The following INPP4B variants were observed in gnomAD, a reference collection of about 807,000 sequenced individuals.
INPP4B encodes the protein inositol polyphosphate-4-phosphatase type II B.
INPP4B carries 55 observed loss-of-function variants against 122.5 expected under a neutral mutation model. The ratio of observed to expected loss-of-function variants is 0.45; its 90% CI spans 0.36 to 0.56. The LOEUF (loss-of-function observed/expected upper bound fraction) is 0.56, where lower values mean the gene tolerates loss of function less well. Among genes scored for constraint, INPP4B ranks in the 20% least tolerant of loss-of-function variants. The probability of loss-of-function intolerance (pLI) is 0.00; values close to 1 mark genes in which losing one functional copy is unlikely to be tolerated. For missense variants in INPP4B, 1,000 were observed against 1,097.7 expected (o/e 0.91, Z 1.26); for synonymous variants, 403 against 388.7 (o/e 1.04, Z -0.43).
chr4:142,323,692 G>T (rs929079249), intron 7 of INPP4B, among the ~76,000 whole-genome samples: 1 of 151,466 alleles, frequency 6.6e-6, no homozygotes, highest in Non-Finnish European at 1.5e-5. Flanking sequence ...TGATCTGCCC[G>T]CCTTGGCCTC....
chr4:142,106,948 T>C (rs1408431214), intron 23 of INPP4B, among the ~76,000 whole-genome samples: 1 of 152,072 alleles, frequency 6.6e-6, no homozygotes, highest in Non-Finnish European at 1.5e-5. Context: ...ATAATTAACA[T>C]TCAAGTTATA....
chr4:142,057,238 T>C (rs1758172399), intron 25 of INPP4B, among the ~76,000 whole-genome samples: 1 of 62,244 alleles, frequency 1.6e-5, no homozygotes, highest in African/African-American at 3.3e-5. Context: ...AATATTCCAT[T>C]TTAATAGTAT....
chr4:142,495,206 T>C (rs770856675), intron 2 of INPP4B, among the ~76,000 whole-genome samples: 1 of 152,156 alleles, frequency 6.6e-6, no homozygotes, highest in African/African-American at 2.4e-5. Context: ...TTAAAAACTT[T>C]AGTAACATTT....
chr4:142,702,495 C>T lies in INPP4B; in HGVS notation c.-191+23344G>A, dbSNP rs555399527. On this transcript the variant is annotated intron_variant, in intron 2 of 25. Transcript: ENST00000262992. ...CTCCCAGCAATTTGGGAGGCCAAGG[C>T]GGGCAGATAACCTGAGGTTGGGAGT... 5.9e-5 allele frequency among the ~76,000 whole-genome samples: 9 copies of T among 152,162 alleles called. No individual in the cohort carries two copies. In the East Asian group the frequency reaches 9.7e-4, roughly 16 times the overall value.
intron 20 of INPP4B, 109 bp downstream of exon 20, chr4:142,123,183 C>T: frequency 1.1e-6 from 1 of 887,364 alleles, no homozygotes; most frequent in Non-Finnish European, 1.6e-6. Context: ...TTTTGTAATA[C>T]TTGGCACAAT....
chr4:142,103,899 T>C (rs1332107290), intron 23 of INPP4B, among the ~76,000 whole-genome samples: 2 of 152,028 alleles, frequency 1.3e-5, no homozygotes, highest in Non-Finnish European at 2.9e-5. Context: ...GTATTTTGTA[T>C]ACAATCCTTA....
At chr4:142,816,988 T>C (rs1370591327) in intron 1 of INPP4B, among the ~76,000 whole-genome samples, 1 of 152,140 alleles carries the variant, frequency 6.6e-6, no homozygotes, top group Non-Finnish European at 1.5e-5. Context: ...TCTTTGCAGA[T>C]TCATTGAGTA....
chr4:142,341,545 C>A (rs1160807885), intron 7 of INPP4B, among the ~76,000 whole-genome samples: 1 of 152,042 alleles, frequency 6.6e-6, no homozygotes, highest in African/African-American at 2.4e-5. Flanking sequence ...CCCAGTGTTC[C>A]CGTTTTGTAT....
At chr4:142,719,311 A>G (rs1280315137) in intron 2 of INPP4B, among the ~76,000 whole-genome samples, 1 of 152,096 alleles carries the variant, frequency 6.6e-6, no homozygotes, top group Non-Finnish European at 1.5e-5. Context: ...AACATTGGCC[A>G]ATACTACAAT....
At chr4:142,491,511 G>T (rs1289122421) in intron 2 of INPP4B, among the ~76,000 whole-genome samples, 2 of 152,172 alleles carry the variant, frequency 1.3e-5, no homozygotes, top group South Asian at 2.1e-4. Context: ...AAAAAAATTA[G>T]CCAGACATGG....
At chr4:142,555,561 G>A (rs1728965424) in intron 2 of INPP4B, among the ~76,000 whole-genome samples, 2 of 152,044 alleles carry the variant, frequency 1.3e-5, no homozygotes, top group Non-Finnish European at 1.5e-5. Context: ...CTTTGAAACT[G>A]GTTAAAAAAA....
chr4:142,481,133 C>CAAAAA (rs551228788), intron 2 of INPP4B, among the ~76,000 whole-genome samples: 1 of 57,888 alleles, frequency 1.7e-5, no homozygotes, highest in Non-Finnish European at 3.7e-5. Flanking sequence ...GACTCTGTCT[C>CAAAAA]AAAAAAAAAA....
intron 1 of INPP4B, among the ~76,000 whole-genome samples, chr4:142,838,259 A>G (rs1360283233): frequency 6.6e-6 from 1 of 151,850 alleles, no homozygotes; most frequent in African/African-American, 2.4e-5. Flanking sequence ...TTCTAACAAT[A>G]TTGTCTTTTG....
intron 1 of INPP4B, among the ~76,000 whole-genome samples, chr4:142,838,324 G>A (rs1000109354): frequency 3.4e-5 from 5 of 147,556 alleles, no homozygotes; most frequent in African/African-American, 1.2e-4. Context: ...TTTTTTCAAT[G>A]GAGACTTCGT....
chr4:142,226,194 T>C (rs920876898), intron 12 of INPP4B, among the ~76,000 whole-genome samples: 2 of 152,180 alleles, frequency 1.3e-5, no homozygotes, highest in African/African-American at 4.8e-5. Context: ...CTTGAAGGAC[T>C]ATAAAGTTTG....
At chr4:142,453,354 T>G (rs1251565961) in intron 3 of INPP4B, among the ~76,000 whole-genome samples, 1 of 152,182 alleles carries the variant, frequency 6.6e-6, no homozygotes, top group Non-Finnish European at 1.5e-5. Context: ...TCACAAATTA[T>G]TAATTCCTAG....
At chr4:142,759,681 G>T (rs2150969647) in intron 1 of INPP4B, among the ~76,000 whole-genome samples, 1 of 151,732 alleles carries the variant, frequency 6.6e-6, no homozygotes, top group South Asian at 2.1e-4. Flanking sequence ...CCAGGCACAT[G>T]GTAAACAATC....
intron 7 of INPP4B, among the ~76,000 whole-genome samples, chr4:142,317,725 T>C (rs1768274980): frequency 6.6e-6 from 1 of 152,228 alleles, no homozygotes; most frequent in South Asian, 2.1e-4. Context: ...GAGCTAAATG[T>C]CACTTTTTCC....
At chr4:142,213,725 T>C (rs907605203) in intron 12 of INPP4B, among the ~76,000 whole-genome samples, 1 of 152,218 alleles carries the variant, frequency 6.6e-6, no homozygotes, top group Non-Finnish European at 1.5e-5. Context: ...AACATACATA[T>C]GCACCTCAGG....
Sources: allele counts gnomAD v4.1 joint callset (sites outside exome capture counted in the v4.1 genomes callset), GRCh38; gene constraint gnomAD v4.1.1; transcripts MANE v1.5; gene names NCBI Gene and HGNC (gene_info 2026-07-23, HGNC 2026-07-21).